Variants in GUCY1A2 observed in about 807,000 individuals in gnomAD.
GUCY1A2 encodes the protein guanylate cyclase soluble subunit alpha-2.
A neutral mutation model predicts 63.5 loss-of-function variants in GUCY1A2; 27 were observed. That is an observed-to-expected ratio of 0.43 (90% confidence interval 0.31 to 0.59). The LOEUF (loss-of-function observed/expected upper bound fraction) is 0.59. GUCY1A2 is among the 20% of genes least tolerant of loss of function. The probability of loss-of-function intolerance (pLI) is 0.11; values close to 1 mark genes in which losing one functional copy is unlikely to be tolerated. For synonymous variants in GUCY1A2, 364 were observed against 343.5 expected (o/e 1.06, Z -0.66); for missense variants, 768 against 913.3 (o/e 0.84, Z 2.05).
chr11:106,718,328 G>A (rs914142805), intron 6 of GUCY1A2, among the ~76,000 whole-genome samples: 1 of 151,978 alleles, frequency 6.6e-6, no homozygotes. Context: ...GGAAGAAAGT[G>A]GGTTTGTAAT....
At chr11:106,826,884 A>G in intron 4 of GUCY1A2, 1 of 1,606,100 alleles carries the variant, frequency 6.2e-7, no homozygotes, top group Non-Finnish European at 8.5e-7. Context: ...TCAGGCCACC[A>G]TCTTCTCCTA....
intron 4 of GUCY1A2, among the ~76,000 whole-genome samples, chr11:106,823,180 G>GT (rs1288012552): frequency 6.6e-6 from 1 of 152,120 alleles, no homozygotes; most frequent in Non-Finnish European, 1.5e-5. Context: ...GGCTTCTGGT[G>GT]TACCCATCAC....
At chr11:106,722,140 A>G (rs568120900) in intron 6 of GUCY1A2, among the ~76,000 whole-genome samples, 7 of 152,312 alleles carry the variant, frequency 4.6e-5, no homozygotes, top group South Asian at 2.1e-4. Flanking sequence ...TCCCTCTTCT[A>G]AATACTTGCA....
At chr11:106,990,220 T>C (rs1861452935) in intron 1 of GUCY1A2, among the ~76,000 whole-genome samples, 1 of 152,208 alleles carries the variant, frequency 6.6e-6, no homozygotes, top group South Asian at 2.1e-4. Flanking sequence ...ACATATTTTC[T>C]GTGGTTCAAA....
intron 4 of GUCY1A2, among the ~76,000 whole-genome samples, chr11:106,888,185 A>G (rs1033380966): frequency 2.0e-5 from 3 of 152,066 alleles, no homozygotes; most frequent in Non-Finnish European, 1.5e-5. Flanking sequence ...GAGGCCGGGC[A>G]CGGTGGCTCA....
At chr11:106,828,464 C>A (rs1439731890) in intron 4 of GUCY1A2, among the ~76,000 whole-genome samples, 10 of 152,064 alleles carry the variant, frequency 6.6e-5, no homozygotes, top group Admixed American at 6.6e-4. Context: ...TGTCCTTTCC[C>A]TATTGTTTAT....
intron 6 of GUCY1A2, among the ~76,000 whole-genome samples, chr11:106,740,848 C>A (rs750082712): frequency 2.0e-5 from 3 of 151,930 alleles, no homozygotes; most frequent in Non-Finnish European, 4.4e-5. Flanking sequence ...TAATTTTGCA[C>A]GTTTAGTAGA....
At chr11:106,837,766 A>T (rs1270400338) in intron 4 of GUCY1A2, among the ~76,000 whole-genome samples, 2 of 152,010 alleles carry the variant, frequency 1.3e-5, no homozygotes, top group Admixed American at 1.3e-4. Flanking sequence ...AAAAATTAGT[A>T]CATAAAAATT....
chr11:106,839,783 C>T (rs1393932311), intron 4 of GUCY1A2, among the ~76,000 whole-genome samples: 1 of 148,266 alleles, frequency 6.7e-6, no homozygotes, highest in Admixed American at 6.9e-5. Flanking sequence ...ACCACATGTT[C>T]TCACTCACAG....
chr11:106,926,930 C>A (rs1397816954), intron 4 of GUCY1A2, among the ~76,000 whole-genome samples: 1 of 150,108 alleles, frequency 6.7e-6, no homozygotes, highest in East Asian at 2.0e-4. Flanking sequence ...TGAATCTTCA[C>A]CACTAAATAA....
At chr11:106,761,899 T>C (rs1393565624) in intron 6 of GUCY1A2, among the ~76,000 whole-genome samples, 2 of 152,142 alleles carry the variant, frequency 1.3e-5, no homozygotes, top group Non-Finnish European at 2.9e-5. Flanking sequence ...GGATATAGTG[T>C]GCTACAGTAA....
chr11:106,905,740 C>A (rs1860196235), intron 4 of GUCY1A2, among the ~76,000 whole-genome samples: 1 of 152,120 alleles, frequency 6.6e-6, no homozygotes, highest in Non-Finnish European at 1.5e-5. Context: ...GAGATAAGAA[C>A]TATCTCAAAA....
chr11:106,952,783 G>A (rs1466420529), intron 3 of GUCY1A2, among the ~76,000 whole-genome samples: 1 of 152,006 alleles, frequency 6.6e-6, no homozygotes, highest in Non-Finnish European at 1.5e-5. Flanking sequence ...GGGACTACAG[G>A]TGTGCACTAC....
At chr11:106,767,475 A>C (rs1285198400) in intron 6 of GUCY1A2, among the ~76,000 whole-genome samples, 1 of 152,128 alleles carries the variant, frequency 6.6e-6, no homozygotes, top group African/African-American at 2.4e-5. Flanking sequence ...TCATAATAAA[A>C]CTTTTCAGTA....
chr11:106,712,850 T>A (rs1338453637), intron 6 of GUCY1A2, among the ~76,000 whole-genome samples: 5 of 152,164 alleles, frequency 3.3e-5, no homozygotes, highest in Non-Finnish European at 4.4e-5. Flanking sequence ...TGCTAGGTGC[T>A]TTTCCATATG....
At chr11:106,989,813 A>G (rs2120150791) in intron 1 of GUCY1A2, among the ~76,000 whole-genome samples, 1 of 152,266 alleles carries the variant, frequency 6.6e-6, no homozygotes, top group East Asian at 1.9e-4. Context: ...AGAATTCTCA[A>G]TATTAAGGCT....
At chr11:106,967,704 A>C (rs1011541483) in intron 3 of GUCY1A2, among the ~76,000 whole-genome samples, 4 of 139,436 alleles carry the variant, frequency 2.9e-5, no homozygotes, top group African/African-American at 5.2e-5. Context: ...GGGAGGCAGG[A>C]AGGAAGGAAG....
At chr11:107,013,167 CT>C (rs1471976270) in intron 1 of GUCY1A2, among the ~76,000 whole-genome samples, 2 of 152,146 alleles carry the variant, frequency 1.3e-5, no homozygotes, top group African/African-American at 4.8e-5. Context: ...AGTAGCTCTC[CT>C]CTCCTTATTT....
intron 4 of GUCY1A2, among the ~76,000 whole-genome samples, chr11:106,851,838 T>C (rs1859360061): frequency 6.6e-6 from 1 of 152,010 alleles, no homozygotes; most frequent in South Asian, 2.1e-4. Context: ...ATTAGGGTCT[T>C]TGTGGATCTC....
Sources: allele counts gnomAD v4.1 joint callset (sites outside exome capture counted in the v4.1 genomes callset), GRCh38; gene constraint gnomAD v4.1.1; transcripts MANE v1.5; gene names NCBI Gene and HGNC (gene_info 2026-07-23, HGNC 2026-07-21).